Variants in DGKI observed in about 807,000 individuals in gnomAD.
DGKI encodes diacylglycerol kinase iota.
Under a neutral mutation model 147.5 loss-of-function variants are expected in DGKI, and 55 were observed. That is an observed-to-expected ratio of 0.37 (90% CI 0.30 to 0.47). The LOEUF is 0.47. DGKI is among the 20% of genes least tolerant of loss of function. DGKI has a pLI of 1.00. For synonymous variants in DGKI, 469 were observed against 477.1 expected, an observed-to-expected ratio of 0.98 and a Z score of 0.22; for missense variants, 1,007 against 1,323.8, an observed-to-expected ratio of 0.76 and a Z score of 3.71.
At chr7:137,517,336 A>AAAGAAAGAAAGAAAGT (rs1816808423) in intron 21 of DGKI, among the ~76,000 whole-genome samples, 1 of 140,402 alleles carries the variant, frequency 7.1e-6, no homozygotes, top group East Asian at 2.2e-4. Context: ...AGAAAGAAAG[A>AAAGAAAGAAAGAAAGT]AAGAGAAAGA....
At chr7:137,413,867 C>T (rs1285102177) in intron 28 of DGKI, among the ~76,000 whole-genome samples, 1 of 152,178 alleles carries the variant, frequency 6.6e-6, no homozygotes, top group Non-Finnish European at 1.5e-5. Flanking sequence ...AAACTGCTTT[C>T]CACAGTGGCT....
chr7:137,774,464 C>T (rs1208349150), intron 1 of DGKI: 2 of 152,194 alleles, frequency 1.3e-5, no homozygotes, highest in Non-Finnish European at 2.9e-5. Flanking sequence ...TTTAAATGTC[C>T]ACCTTTACGT....
intron 2 of DGKI, 128 bp from the exon 3 acceptor site, chr7:137,678,780 A>G: frequency 1.3e-6 from 1 of 765,390 alleles, no homozygotes. Context: ...TCATTTGACC[A>G]CTAAAAGTAC....
At chr7:137,845,219 T>TCTG (rs1798674762) in intron 1 of DGKI, among the ~76,000 whole-genome samples, 1 of 152,148 alleles carries the variant, frequency 6.6e-6, no homozygotes. Flanking sequence ...AGTCAACACT[T>TCTG]AGACACAGAG....
intron 6 of DGKI, among the ~76,000 whole-genome samples, chr7:137,637,557 T>G (rs1821357060): frequency 6.6e-6 from 1 of 152,248 alleles, no homozygotes; most frequent in Non-Finnish European, 1.5e-5. Context: ...TAAACCAACT[T>G]GAAGGTACTT....
chr7:137,533,173 T>C (rs834078), intron 20 of DGKI, among the ~76,000 whole-genome samples: 15,776 of 151,920 alleles, frequency 0.1, 1,803 homozygotes, highest in African/African-American at 0.28. Context: ...ACTGTTGTCC[T>C]AGCTACTCAG....
At chr7:137,658,706 T>C (rs372692387) in intron 3 of DGKI, among the ~76,000 whole-genome samples, 1 of 152,234 alleles carries the variant, frequency 6.6e-6, no homozygotes, top group East Asian at 1.9e-4. Flanking sequence ...GGAAGCCTCA[T>C]GCATTCAATG....
chr7:137,731,627 T>C (rs1229216036), intron 1 of DGKI, among the ~76,000 whole-genome samples: 1 of 152,116 alleles, frequency 6.6e-6, no homozygotes. Flanking sequence ...CTGACAGCAA[T>C]GACACTATCT....
At position 137,555,245 on chromosome 7, in the gene DGKI, G is replaced by A. The variant is rs116234540; in HGVS notation, c.1948-2677C>T. On this transcript the variant is annotated intron_variant, in intron 19 of 32. Transcript: ENST00000614521. The stretch of plus-strand genomic sequence containing the variant: ...ATTTTCTTTATTAAAAATAAGAAAT[G>A]GCCAGGTGCAGTGTCTCACATCTGT... 8.2e-3 allele frequency among the ~76,000 whole-genome samples: 1,240 copies of A among 151,350 alleles called. 23 individuals carry two copies. Among genetic ancestry groups the A allele is most frequent in the African/African-American group, 0.028 (1,166 of 41,344 alleles).
chr7:137,631,534 C>G (rs1403165001), intron 6 of DGKI, among the ~76,000 whole-genome samples: 2 of 152,092 alleles, frequency 1.3e-5, no homozygotes, highest in Non-Finnish European at 2.9e-5. Context: ...AGCTGCAGGA[C>G]CTAATCACTA....
chr7:137,816,895 T>C (rs1376725441), intron 1 of DGKI, among the ~76,000 whole-genome samples: 1 of 152,166 alleles, frequency 6.6e-6, no homozygotes, highest in Non-Finnish European at 1.5e-5. Context: ...CAGAGAGTTC[T>C]TTGTTGTGAG....
chr7:137,638,574 A>G (rs13307931), intron 6 of DGKI, among the ~76,000 whole-genome samples: 2 of 27,520 alleles, frequency 7.3e-5, no homozygotes, highest in African/African-American at 1.1e-4. Context: ...ACACACATAT[A>G]TGTATATATA....
At chr7:137,740,477 T>C (rs899207388) in intron 1 of DGKI, among the ~76,000 whole-genome samples, 18 of 152,156 alleles carry the variant, frequency 1.2e-4, no homozygotes, top group Non-Finnish European at 4.4e-5. Flanking sequence ...GGCAGGTGTA[T>C]GGTGTAAAGC....
chr7:137,462,201 T>C (rs1814471292), intron 27 of DGKI, among the ~76,000 whole-genome samples: 1 of 152,134 alleles, frequency 6.6e-6, no homozygotes, highest in South Asian at 2.1e-4. Flanking sequence ...TGTAGCTAAT[T>C]AAAACACTAA....
chr7:137,422,984 A>C (rs1437442482), intron 28 of DGKI, among the ~76,000 whole-genome samples: 1 of 152,182 alleles, frequency 6.6e-6, no homozygotes, highest in Non-Finnish European at 1.5e-5. Flanking sequence ...ATTTGAATGA[A>C]ATAATATGTG....
chr7:137,735,949 C>A (rs966442887), intron 1 of DGKI, among the ~76,000 whole-genome samples: 1 of 152,030 alleles, frequency 6.6e-6, no homozygotes, highest in Admixed American at 6.6e-5. Flanking sequence ...ACTCTACTAC[C>A]CTGAACAGTG....
At chr7:137,563,306 T>C (rs1057329140) in intron 19 of DGKI, among the ~76,000 whole-genome samples, 5 of 152,134 alleles carry the variant, frequency 3.3e-5, no homozygotes, top group Admixed American at 6.5e-5. Flanking sequence ...AAGCATATTT[T>C]ATGAAAAATA....
In DGKI at chr7:137,656,399, T is replaced by C. The variant is rs559835771; in HGVS notation, c.681+67A>G. Reference sequence around the variant, plus strand: ...TTTCAAAAAGTTGGAACTGGAAATTTACACCGGGCCTCTGAAGACCAAATA... The same window carrying C: ...TTTCAAAAAGTTGGAACTGGAAATTCACACCGGGCCTCTGAAGACCAAATA... On this transcript the variant is annotated intron_variant, in intron 4 of 32. Transcript: ENST00000614521. 75 of 1,545,220 alleles carry C rather than the reference T, an allele frequency of 4.9e-5. No homozygotes were observed. In the South Asian group the frequency reaches 8.1e-4, roughly 17 times the overall value.
intron 1 of DGKI, among the ~76,000 whole-genome samples, chr7:137,832,337 TG>T (rs991759309): frequency 6.6e-6 from 1 of 152,246 alleles, no homozygotes; most frequent in African/African-American, 2.4e-5. Flanking sequence ...AACTTCTGCC[TG>T]GGCATCCAGG....
Sources: gnomAD v4.1 joint callset for allele counts (sites outside exome capture counted in the v4.1 genomes callset) on GRCh38, gnomAD v4.1.1 for gene constraint, MANE v1.5 for transcripts, NCBI Gene and HGNC (gene_info 2026-07-23, HGNC 2026-07-21) for gene names.